Variants in RAB38 observed in about 807,000 individuals in gnomAD.
The protein encoded by RAB38 is RAB38, member RAS oncogene family.
Under a neutral mutation model 18.4 loss-of-function variants are expected in RAB38, and 15 were observed. The ratio of observed to expected loss-of-function variants is 0.82; its 90% CI spans 0.55 to 1.26. RAB38 has a LOEUF of 1.26. Ranked by LOEUF, RAB38 falls within the 50% of genes most tolerant of loss-of-function variation. The pLI is 0.00. For synonymous variants in RAB38, 101 were observed against 104.4 expected, an observed-to-expected ratio of 0.97 and a Z score of 0.20; for missense variants, 294 against 267.4, an observed-to-expected ratio of 1.10 and a Z score of -0.69.
downstream of RAB38, among the ~76,000 whole-genome samples, chr11:88,112,062 A>G (rs1024076223): frequency 3.3e-5 from 5 of 152,246 alleles, no homozygotes; most frequent in African/African-American, 1.2e-4. Context: ...GTTAAAAATT[A>G]ACTCATGAAA....
At chr11:87,926,147 C>T in the RAB38 span, among the ~76,000 whole-genome samples, 2 of 151,730 alleles carry the variant, frequency 1.3e-5, no homozygotes, top group Non-Finnish European at 1.5e-5. Context: ...AGAGGTCCGA[C>T]CAATGAAAGA....
the RAB38 span, among the ~76,000 whole-genome samples, chr11:88,070,166 G>A: frequency 1.3e-5 from 2 of 152,154 alleles, no homozygotes; most frequent in Non-Finnish European, 2.9e-5. Context: ...TCACCACGAA[G>A]GTCTGCAGCT....
the RAB38 span, among the ~76,000 whole-genome samples, chr11:87,819,067 C>G: frequency 0.25 from 38,139 of 152,124 alleles, 5,976 homozygotes; most frequent in African/African-American, 0.44. Context: ...GATAGGTAGA[C>G]TGTGTTTGCC....
At chr11:88,083,002 C>A in the RAB38 span, among the ~76,000 whole-genome samples, 3 of 151,816 alleles carry the variant, frequency 2.0e-5, no homozygotes, top group African/African-American at 7.2e-5. Context: ...AGTTTAATCT[C>A]CTTTAGTAAT....
chr11:87,923,752 A>G, the RAB38 span, among the ~76,000 whole-genome samples: 1 of 151,932 alleles, frequency 6.6e-6, no homozygotes, highest in Non-Finnish European at 1.5e-5. Flanking sequence ...TTAATTAAGC[A>G]CCTGCTCTGA....
At chr11:87,839,119 C>G in the RAB38 span, among the ~76,000 whole-genome samples, 1 of 152,254 alleles carries the variant, frequency 6.6e-6, no homozygotes, top group African/African-American at 2.4e-5. Flanking sequence ...GCGAAAGATC[C>G]TTTATTTAAT....
chr11:87,968,599 CA>C, the RAB38 span, among the ~76,000 whole-genome samples: 3 of 152,096 alleles, frequency 2.0e-5, no homozygotes, highest in Admixed American at 1.3e-4. Context: ...TTGTAGTACA[CA>C]AGGAGATAAG....
the RAB38 span, among the ~76,000 whole-genome samples, chr11:87,877,584 A>C: frequency 2.3e-4 from 35 of 151,524 alleles, no homozygotes; most frequent in African/African-American, 7.7e-4. Flanking sequence ...ATCTATTACA[A>C]AATTATTCAT....
chr11:87,976,536 C>G, the RAB38 span, among the ~76,000 whole-genome samples: 2 of 117,202 alleles, frequency 1.7e-5, no homozygotes, highest in African/African-American at 6.5e-5. Context: ...ATATTTTTTA[C>G]ATTTATATTT....
At chr11:88,092,220 T>C in the RAB38 span, among the ~76,000 whole-genome samples, 1 of 151,584 alleles carries the variant, frequency 6.6e-6, no homozygotes, top group African/African-American at 2.4e-5. Flanking sequence ...TGCTAGTCTC[T>C]TACCTCAGCA....
intron 2 of RAB38, 110 bp downstream of exon 2, chr11:88,149,565 A>G (rs539231699): frequency 1.5e-6 from 2 of 1,303,918 alleles, no homozygotes; most frequent in East Asian, 4.8e-5. Flanking sequence ...TGTGAAAACC[A>G]TACATCACTA....
At chr11:87,806,963 A>G in the RAB38 span, among the ~76,000 whole-genome samples, 2 of 152,172 alleles carry the variant, frequency 1.3e-5, no homozygotes, top group Admixed American at 1.3e-4. Context: ...CCTGTTAGGA[A>G]CCAGGCTGCA....
the RAB38 span, among the ~76,000 whole-genome samples, chr11:87,904,824 A>G: frequency 1.0e-3 from 151 of 151,750 alleles, 1 homozygote; most frequent in African/African-American, 3.4e-3. Context: ...AGGTTGTAAC[A>G]TTTTGATTAT....
At chr11:87,971,015 G>A in the RAB38 span, among the ~76,000 whole-genome samples, 1 of 152,068 alleles carries the variant, frequency 6.6e-6, no homozygotes, top group African/African-American at 2.4e-5. Flanking sequence ...AGTCATGACT[G>A]CTCTTAGATG....
chr11:87,804,795 C>A, the RAB38 span, among the ~76,000 whole-genome samples: 156 of 152,130 alleles, frequency 1.0e-3, no homozygotes, highest in African/African-American at 3.5e-3. Context: ...CTATATTGCT[C>A]CATTTTCTGT....
chr11:88,175,163 C>T lies in RAB38; in HGVS notation c.202+20G>A. On this transcript the variant is annotated intron_variant, in intron 1 of 2. Coordinates refer to ENST00000243662, the MANE Select transcript of RAB38 (RefSeq NM_022337.3). ...GCCGCGAGGCGCTCTATCCCCCTGA[C>T]CCCCTCCCCCCGCGCTCACCTGCGA... 1 of 1,570,292 alleles carries T rather than the reference C, an allele frequency of 6.4e-7. No homozygotes were observed. Among genetic ancestry groups the T allele is most frequent in the South Asian group, 1.2e-5 (1 of 85,786 alleles).
chr11:88,148,698 C>T (rs781556478), intron 2 of RAB38, among the ~76,000 whole-genome samples: 1 of 152,164 alleles, frequency 6.6e-6, no homozygotes, highest in Admixed American at 6.5e-5. Context: ...GAGCCCATGG[C>T]TATCTTATTC....
the RAB38 span, among the ~76,000 whole-genome samples, chr11:88,009,523 G>A: frequency 2.0e-5 from 3 of 152,134 alleles, no homozygotes; most frequent in South Asian, 6.2e-4. Flanking sequence ...GGCATAGACA[G>A]AAACCACTTA....
intron 1 of RAB38, among the ~76,000 whole-genome samples, chr11:88,170,320 G>T (rs182988341): frequency 2.0e-5 from 3 of 152,278 alleles, no homozygotes; most frequent in Admixed American, 1.3e-4. Flanking sequence ...TATGCATTTT[G>T]GGGGGTTTTA....
Sources: allele counts gnomAD v4.1 joint callset (sites outside exome capture counted in the v4.1 genomes callset), GRCh38; gene constraint gnomAD v4.1.1; transcripts MANE v1.5; gene names NCBI Gene and HGNC (gene_info 2026-07-23, HGNC 2026-07-21).